CTTNBP2: variants seen among roughly 807,000 people sequenced by gnomAD.
The protein encoded by CTTNBP2 is cortactin-binding protein 2.
CTTNBP2 carries 108 observed loss-of-function variants against 156.9 expected under a neutral mutation model. That is an observed-to-expected ratio of 0.69 (90% CI 0.59 to 0.81). The LOEUF (loss-of-function observed/expected upper bound fraction) is 0.81, where lower values mean the gene tolerates loss of function less well. CTTNBP2 is among the 30% of genes least tolerant of loss of function. The pLI is 0.00. For synonymous variants in CTTNBP2, 767 were observed against 751.8 expected (o/e 1.02, Z -0.33); for missense variants, 1,924 against 2,035.4 (o/e 0.95, Z 1.05).
intron 9 of CTTNBP2, among the ~76,000 whole-genome samples, chr7:117,763,607 C>T (rs2116674476): frequency 7.3e-6 from 1 of 136,942 alleles, no homozygotes; most frequent in Non-Finnish European, 1.5e-5. Flanking sequence ...GTCACCCAGG[C>T]TGGAGGGCAG....
rs759744344 is a variant in CTTNBP2, at chr7:117,777,603, T to G, written c.2686A>C (p.Ile896Leu). 1 of 1,613,996 alleles carries G rather than the reference T, an allele frequency of 6.2e-7. No individual in the cohort carries two copies. Among genetic ancestry groups the G allele is most frequent in the African/African-American group, 1.3e-5 (1 of 75,030 alleles). Residue 896 changes from isoleucine (I) to leucine (L), a missense_variant, in exon 8 of 23, where the codon ATA becomes CTA. Ile to Leu is a conservative substitution (Grantham distance 5). Transcript: ENST00000160373. ...LDGGEESPEG[I>L]SKPVVPADLI... ...TCTGCAGGAACAACAGGCTTGGATA[T>G]GCCTTCAGGACTCTCTTCTCCTCCA...
intron 12 of CTTNBP2, among the ~76,000 whole-genome samples, chr7:117,749,089 G>A (rs895382251): frequency 6.6e-6 from 1 of 152,206 alleles, no homozygotes; most frequent in African/African-American, 2.4e-5. Context: ...ACGATATTTT[G>A]TTTCAGCAGC....
At chr7:117,835,135 A>G (rs1801848008) in intron 2 of CTTNBP2, among the ~76,000 whole-genome samples, 2 of 152,248 alleles carry the variant, frequency 1.3e-5, no homozygotes, top group South Asian at 4.1e-4. Flanking sequence ...TGCTCTCAAC[A>G]CTAAGCCTCC....
chr7:117,719,441 T>C (rs1794654490), intron 21 of CTTNBP2, 63 bp downstream of exon 21: 1 of 1,450,250 alleles, frequency 6.9e-7, no homozygotes, highest in Non-Finnish European at 9.3e-7. Flanking sequence ...GGAATTGTGG[T>C]CCCCCAAAAG....
chr7:117,724,807 G>GAT, intron 18 of CTTNBP2, 75 bp from the exon 19 acceptor site: 1 of 1,506,558 alleles, frequency 6.6e-7, no homozygotes, highest in Non-Finnish European at 9.1e-7. Context: ...GTTTCTCAAA[G>GAT]ATACGGACTG....
chr7:117,775,908 A>T (rs1290841055), intron 8 of CTTNBP2, among the ~76,000 whole-genome samples: 1 of 152,214 alleles, frequency 6.6e-6, no homozygotes. Flanking sequence ...AAACAAAACA[A>T]CAAAACTACT....
At chr7:117,782,812 A>G (rs762410139) in intron 6 of CTTNBP2, 50 bp downstream of exon 6, 2 of 1,340,790 alleles carry the variant, frequency 1.5e-6, no homozygotes, top group Admixed American at 3.9e-5. Flanking sequence ...TGCAAATTAT[A>G]AAAAGAGGCT....
In CTTNBP2 at chr7:117,873,368, C is replaced by A. The variant is rs995105236; in HGVS notation, c.48G>T (p.Pro16=). The A allele has an allele frequency of 6.8e-7, 1 of 1,475,272 alleles. No homozygotes were observed. The allele number at this position is 1,475,272 out of a possible 1,614,324, so 91.4% of individuals were successfully genotyped here. Residue 16 remains proline (P), a synonymous_variant, in exon 1 of 23, where the codon CCG becomes CCT. Coordinates refer to ENST00000160373, the MANE Select transcript of CTTNBP2 (RefSeq NM_033427.3). ...ASCEPDLSRA[P]EDAAGAAAEA... ...CCGCCGCGGCCCCCGCCGCGTCCTC[C>A]GGGGCCCGGGACAAGTCGGGCTCGC...
chr7:117,825,758 GAAGA>G (rs1397640183), intron 2 of CTTNBP2, among the ~76,000 whole-genome samples: 1 of 152,150 alleles, frequency 6.6e-6, no homozygotes. Context: ...TTGCTTTGAA[GAAGA>G]AAAAGAAATA....
At chr7:117,770,482 A>C (rs1797742338) in intron 8 of CTTNBP2, among the ~76,000 whole-genome samples, 1 of 152,204 alleles carries the variant, frequency 6.6e-6, no homozygotes, top group Non-Finnish European at 1.5e-5. Context: ...TAACAACAAC[A>C]GCTACAACAA....
chr7:117,752,784 T>A (rs1796679589), intron 12 of CTTNBP2, among the ~76,000 whole-genome samples: 2 of 152,214 alleles, frequency 1.3e-5, no homozygotes, highest in South Asian at 4.1e-4. Flanking sequence ...ACTACTTAAT[T>A]GCTGAAGACG....
chr7:117,838,035 GCCA>G (rs570295205), intron 2 of CTTNBP2, among the ~76,000 whole-genome samples: 45 of 152,286 alleles, frequency 3.0e-4, no homozygotes, highest in African/African-American at 1.0e-3. Context: ...ATGGGTTAAA[GCCA>G]CAAAACTGGT....
intron 1 of CTTNBP2, among the ~76,000 whole-genome samples, chr7:117,862,970 G>C (rs1422879634): frequency 6.6e-6 from 1 of 152,204 alleles, no homozygotes; most frequent in Admixed American, 6.5e-5. Flanking sequence ...AGCTCTTTGA[G>C]ATGAGATAAA....
chr7:117,828,272 G>C (rs754766025), intron 2 of CTTNBP2, among the ~76,000 whole-genome samples: 3 of 152,084 alleles, frequency 2.0e-5, no homozygotes, highest in Non-Finnish European at 4.4e-5. Flanking sequence ...AAGGATCATG[G>C]GGCAGACTAG....
At position 117,792,179 on chromosome 7, in the gene CTTNBP2, T is replaced by G; in HGVS notation, c.1017A>C (p.Ala339=). The change falls in exon 4 of 23, where the codon GCA becomes GCC. Residue 339 remains alanine (A), a synonymous_variant. Transcript: ENST00000160373. This position sits in a 1 kb window ranked among gnomAD's most constrained non-coding sequence, Gnocchi z 4.2. ...KPSTGSPLVS[A]NAKGSVCTSA... is the part of the protein sequence containing the mutation. Reference sequence around the variant, plus strand: ...TGGTGCACACGCTCCCTTTTGCATTTGCAGAAACTAGGGGACTCCCTGTGG... The same window carrying G: ...TGGTGCACACGCTCCCTTTTGCATTGGCAGAAACTAGGGGACTCCCTGTGG... The G allele has an allele frequency of 6.2e-7, 1 of 1,614,202 alleles. No individual in the cohort carries two copies. The highest frequency in any genetic ancestry group is 8.5e-7 in the Non-Finnish European group (1 of 1,180,040).
intron 1 of CTTNBP2, among the ~76,000 whole-genome samples, chr7:117,862,430 A>G (rs1803827278): frequency 6.6e-6 from 1 of 152,054 alleles, no homozygotes; most frequent in Admixed American, 6.5e-5. Flanking sequence ...ATGGCTTTAA[A>G]TCCCATGAAT....
intron 14 of CTTNBP2, among the ~76,000 whole-genome samples, chr7:117,742,499 G>A (rs1216490229): frequency 3.9e-5 from 6 of 152,124 alleles, no homozygotes; most frequent in Admixed American, 3.9e-4. Flanking sequence ...GGATGGGGAG[G>A]GGCAGAAATC....
intron 14 of CTTNBP2, among the ~76,000 whole-genome samples, chr7:117,744,297 C>A (rs1029430765): frequency 6.6e-6 from 1 of 152,012 alleles, no homozygotes; most frequent in African/African-American, 2.4e-5. Context: ...TTTTCAGAAC[C>A]CATTAACCAC....
intron 8 of CTTNBP2, among the ~76,000 whole-genome samples, chr7:117,776,769 T>C (rs967499425): frequency 6.6e-6 from 1 of 152,208 alleles, no homozygotes; most frequent in African/African-American, 2.4e-5. Context: ...TCCAACTGCA[T>C]TTCTGTTGTC....
Sources: allele counts gnomAD v4.1 joint callset (sites outside exome capture counted in the v4.1 genomes callset), GRCh38; gene constraint gnomAD v4.1.1; non-coding constraint Gnocchi (gnomAD v3.1); transcripts MANE v1.5; gene names NCBI Gene and HGNC (gene_info 2026-07-23, HGNC 2026-07-21).